Variants in NBPF8 observed in about 807,000 individuals in gnomAD.
NBPF8 encodes the protein NBPF family member NBPF8.
At chr1:120,435,763 G>A (rs1490862128), upstream of NBPF8, among the ~76,000 whole-genome samples, 2 of 151,800 alleles carry the variant, frequency 1.3e-5, no homozygotes, top group East Asian at 1.9e-4. Flanking sequence ...CTACTTGGGA[G>A]TCTGAGGCAG....
intron 17 of NBPF8, among the ~76,000 whole-genome samples, chr1:120,459,847 C>T (rs1222293799): frequency 1.8e-4 from 27 of 152,054 alleles, no homozygotes; most frequent in African/African-American, 5.6e-4. Flanking sequence ...TGTCTGTCAG[C>T]TCAGCTCATC....
At chr1:120,425,258 G>T (rs1387261613) in intron 1 of NBPF8, among the ~76,000 whole-genome samples, 1 of 151,798 alleles carries the variant, frequency 6.6e-6, no homozygotes, top group Non-Finnish European at 1.5e-5. Context: ...TCTCCTCCTC[G>T]TCCCTGGGCA....
chr1:120,431,748 TAGAC>T (rs1553247090), upstream of NBPF8, among the ~76,000 whole-genome samples: 17 of 151,726 alleles, frequency 1.1e-4, no homozygotes, highest in Admixed American at 6.6e-4. Flanking sequence ...ACAAATCAGA[TAGAC>T]AGTCATTCCA....
At position 120,452,619 on chromosome 1, in the gene NBPF8, G is replaced by A. The variant is rs1398060507; in HGVS notation, n.2289+288G>A. On this transcript the variant is annotated intron_variant and non_coding_transcript_variant, in intron 13 of 24. Transcript: ENST00000583271. ...AGGAAGGAGGCTGCGATGGGAGCAG[G>A]CTTGTTAGAGTGAAAAGAGCTCTGG... Among the ~76,000 whole-genome samples, 8 of 152,376 alleles carry A rather than the reference G, an allele frequency of 5.3e-5. No individual in the cohort carries two copies. In the South Asian group the frequency reaches 1.2e-3, roughly 24 times the overall value.
intron 20 of NBPF8, among the ~76,000 whole-genome samples, chr1:120,462,592 C>T (rs1661623948): frequency 2.0e-5 from 2 of 101,278 alleles, no homozygotes; most frequent in African/African-American, 7.7e-5. Context: ...CTCTCTCTCT[C>T]TCCCTCTCCC....
At chr1:120,469,403 G>GTT (rs1262252297), downstream of NBPF8, among the ~76,000 whole-genome samples, 7 of 138,978 alleles carry the variant, frequency 5.0e-5, no homozygotes, top group African/African-American at 1.9e-4. Flanking sequence ...CCATCCCAAT[G>GTT]TTAATCGTAT....
At chr1:120,449,670 TCTCCAAGAGG>T (rs1245719515) in intron 11 of NBPF8, among the ~76,000 whole-genome samples, 1 of 152,140 alleles carries the variant, frequency 6.6e-6, no homozygotes, top group Non-Finnish European at 1.5e-5. Flanking sequence ...TGACCTGTTT[TCTCCAAGAGG>T]CTCAATCGTG....
intron 18 of NBPF8, 114 bp from the exon 17 acceptor site, chr1:120,461,140 G>A (rs1243307328): frequency 1.7e-6 from 1 of 590,860 alleles, no homozygotes; most frequent in South Asian, 1.8e-5. Context: ...CCTCATTAAT[G>A]GATCTGTCCT....
At chr1:120,454,281 T>C (rs1263692854) in intron 15 of NBPF8, among the ~76,000 whole-genome samples, 167 bp downstream of exon 13, 1 of 152,214 alleles carries the variant, frequency 6.6e-6, no homozygotes, top group Non-Finnish European at 1.5e-5. Context: ...CATGACTTTG[T>C]CTGCCAGTCC....
rs1553248999 is a variant in NBPF8 at position 120,452,249 on chromosome 1, C to G, written n.2207C>G. On this transcript the variant is annotated non_coding_transcript_exon_variant, in exon 13 of 25. Coordinates refer to ENST00000583271, the Ensembl canonical transcript of NBPF8. ...CCCTCCTCACTCCGGATGAGCCGGA[C>G]AAGTCCCAGGGGCAGGACCTCCAAG... The G allele has an allele frequency of 1.9e-3, 2,418 of 1,288,344 alleles. 38 individuals carry two copies. The African/African-American group carries it at 0.037, about 20-fold the overall frequency. The allele number at this position is 1,288,344 out of a possible 1,614,324, so 79.8% of individuals were successfully genotyped here.
chr1:120,425,558 A>G (rs1660700380), intron 1 of NBPF8, among the ~76,000 whole-genome samples: 1 of 152,168 alleles, frequency 6.6e-6, no homozygotes, highest in Non-Finnish European at 1.5e-5. Flanking sequence ...ATACTAAGGG[A>G]ACTCAGAGGC....
upstream of NBPF8, among the ~76,000 whole-genome samples, chr1:120,431,374 A>G (rs1418722431): frequency 2.1e-5 from 1 of 47,186 alleles, no homozygotes; most frequent in East Asian, 3.5e-4. Flanking sequence ...ATATATATAT[A>G]TATATATATA....
chr1:120,445,855 A>G, exon 8 of NBPF8: 1 of 456,572 alleles, frequency 2.2e-6, no homozygotes, highest in African/African-American at 6.1e-5. Context: ...GTTCACTCTC[A>G]GGAACGAGAG....
At chr1:120,454,290 C>T (rs1188366043) in intron 15 of NBPF8, among the ~76,000 whole-genome samples, 176 bp downstream of exon 13, 1,971 of 152,242 alleles carry the variant, frequency 0.013, 51 homozygotes, top group African/African-American at 0.046. Context: ...GTCTGCCAGT[C>T]CCCAGTATCA....
chr1:120,466,228 C>T (rs1661745928), exon 25 of NBPF8: 2 of 1,607,668 alleles, frequency 1.2e-6, no homozygotes, highest in East Asian at 2.2e-5. Flanking sequence ...ATAAGCAGCC[C>T]TTACTAAGCC....
intron 1 of NBPF8, among the ~76,000 whole-genome samples, chr1:120,425,614 G>A (rs1207689729): frequency 1.3e-5 from 2 of 152,106 alleles, no homozygotes; most frequent in Non-Finnish European, 2.9e-5. Flanking sequence ...GGTCCCCTGG[G>A]CCCATTTTTC....
chr1:120,463,394 C>T (rs1661648559), intron 21 of NBPF8, among the ~76,000 whole-genome samples: 1 of 106,594 alleles, frequency 9.4e-6, no homozygotes, highest in Admixed American at 9.4e-5. Flanking sequence ...GGGGCATTTT[C>T]TTTGAACTGA....
chr1:120,460,142 C>T (rs1388577218), intron 17 of NBPF8, among the ~76,000 whole-genome samples: 2 of 152,178 alleles, frequency 1.3e-5, no homozygotes, highest in African/African-American at 4.8e-5. Flanking sequence ...AACCAAGTTT[C>T]ATTTTGACTC....
intron 3 of NBPF8, among the ~76,000 whole-genome samples, chr1:120,431,229 G>A (rs1167063525): frequency 7.6e-6 from 1 of 131,056 alleles, no homozygotes; most frequent in Non-Finnish European, 1.6e-5. Context: ...ATATATATAT[G>A]TATACACACA....
Sources: gnomAD v4.1 joint callset for allele counts (sites outside exome capture counted in the v4.1 genomes callset) on GRCh38, gnomAD v4.1.1 for gene constraint, MANE v1.5 for transcripts, NCBI Gene and HGNC (gene_info 2026-07-23, HGNC 2026-07-21) for gene names.